The following DPH1 variants were observed in gnomAD, a reference collection of about 807,000 sequenced individuals.
DPH1 encodes diphthamide biosynthesis 1.
A neutral mutation model predicts 55.3 loss-of-function variants in DPH1; 59 were observed. That is an observed-to-expected ratio of 1.07 (90% CI 0.87 to 1.33). The LOEUF (loss-of-function observed/expected upper bound fraction) is 1.33, where lower values mean the gene tolerates loss of function less well. Ranked by LOEUF, DPH1 falls within the 40% of genes most tolerant of loss-of-function variation. The pLI is 0.00. For missense variants in DPH1, 628 were observed against 584.8 expected (o/e 1.07, Z -0.76); for synonymous variants, 238 against 235.5 (o/e 1.01, Z -0.10).
At chr17:2,033,872 G>C (rs1567542837) in intron 3 of DPH1, 30 bp downstream of exon 3, 7 of 1,612,788 alleles carry the variant, frequency 4.3e-6, no homozygotes, top group Non-Finnish European at 5.1e-6. Flanking sequence ...AGAGGAGGGT[G>C]AGCCAGGCTT....
chr17:2,040,734 C>A, intron 9 of DPH1, 129 bp downstream of exon 9: 3 of 1,066,314 alleles, frequency 2.8e-6, no homozygotes, highest in South Asian at 1.4e-5. Flanking sequence ...ACAGAGACCT[C>A]CCTGGGAGGG....
At chr17:2,038,258 G>C (rs149726722) in intron 6 of DPH1, among the ~76,000 whole-genome samples, 3,428 of 151,744 alleles carry the variant, frequency 0.023, 51 homozygotes, top group Middle Eastern at 0.058. Context: ...CTGGGAGGTT[G>C]AGGCTGCAGC....
intron 12 of DPH1, chr17:2,042,350 C>T (rs1270705057): frequency 1.5e-6 from 2 of 1,351,698 alleles, no homozygotes; most frequent in Admixed American, 3.6e-5. Flanking sequence ...CCAGTCCACA[C>T]CCTTCATTTC....
At position 2,037,121 on chromosome 17, in the gene DPH1, T is replaced by C. The variant is rs1597281882; in HGVS notation, c.680+165T>C. 7 of 1,037,150 alleles carry C rather than the reference T, an allele frequency of 6.7e-6. No individual in the cohort carries two copies. The East Asian group carries it at 1.9e-4, about 29-fold the overall frequency. The allele number at this position is 1,037,150 out of a possible 1,614,324, so 64.2% of individuals were successfully genotyped here. A position where few individuals can be genotyped will look rare whatever the true frequency, so the allele number is the denominator to read the frequency against. ...CCAAACAGGGAGCAGACCTCAGGTT[T>C]ACTGTCGCTTTCTCCACTGCCCAGT... is the stretch of plus-strand genomic sequence containing the variant. On this transcript the variant is annotated intron_variant, in intron 6 of 12. Transcript: ENST00000263083.
Position 2,040,633 on chromosome 17 carries a change from T to G in DPH1, c.1007+28T>G, listed in dbSNP as rs370213255. 2.4e-5 allele frequency: 39 copies of G among 1,605,652 alleles called. No individual in the cohort carries two copies. The African/African-American group carries it at 5.1e-4, about 21-fold the overall frequency. On this transcript the variant is annotated intron_variant, in intron 9 of 12. Coordinates refer to ENST00000263083, the MANE Select transcript of DPH1 (RefSeq NM_001383.6). The stretch of plus-strand genomic sequence containing the variant: ...GAGTATCTGCCTGGCTATGACTGGC[T>G]AAAGAAGCTTAGAAGCTGGGTCTTG...
At chr17:2,031,277 G>A (rs2067328177) in intron 1 of DPH1, among the ~76,000 whole-genome samples, 1 of 152,056 alleles carries the variant, frequency 6.6e-6, no homozygotes. Context: ...ATAGCCGTGC[G>A]TGGCCGGGCA....
At position 2,041,835 on chromosome 17, in the gene DPH1, A is replaced by C; in HGVS notation, c.1295A>C (p.Lys432Thr). 6.2e-7 allele frequency: 1 copy of C among 1,603,066 alleles called. No individual in the cohort carries two copies. The highest frequency in any genetic ancestry group is 8.5e-7 in the Non-Finnish European group (1 of 1,176,236). ...ACEDCSCRDE[K>T]VAPLAP ...GAGGACTGCAGCTGCAGGGACGAGA[A>C]GGTGGCGCCGCTGGCTCCTTGACGC... Residue 432 changes from lysine to threonine, a missense_variant, in exon 12 of 13, where the codon AAG (lysine) becomes ACG (threonine). Lys to Thr is a moderately conservative substitution (Grantham distance 78). Transcript: ENST00000263083.
intron 6 of DPH1, among the ~76,000 whole-genome samples, chr17:2,037,574 C>T (rs115840856): frequency 2.0e-5 from 3 of 152,162 alleles, no homozygotes; most frequent in African/African-American, 4.8e-5. Flanking sequence ...CCCTGCTCCC[C>T]GAGCAGCACT....
At chr17:2,033,371 C>G (rs747235057) in intron 1 of DPH1, 134 bp from the exon 2 acceptor site, 1 of 1,383,992 alleles carries the variant, frequency 7.2e-7, no homozygotes, top group African/African-American at 1.4e-5. Context: ...TGGGATTTTT[C>G]TTGAGATGAC....
rs993587773 is a variant in DPH1 at position 2,036,920 on chromosome 17, C to T, written c.644C>T (p.Thr215Ile). The T allele has an allele frequency of 1.2e-6, 2 of 1,613,856 alleles. No individual in the cohort carries two copies. Among genetic ancestry groups the T allele is most frequent in the Non-Finnish European group, 8.5e-7 (1 of 1,179,980 alleles). The change falls in exon 6 of 13, where the codon ACA (threonine) becomes ATA (isoleucine). Residue 215 changes from threonine (T) to isoleucine (I), a missense_variant. Physicochemically the swap from Thr to Ile is moderately conservative, Grantham distance 89. Transcript: ENST00000263083. The surrounding 1 kb of genome is among the most constrained non-coding windows in gnomAD (Gnocchi z 4.8). The part of the protein sequence containing the change: ...PLSPGEILGC[T>I]SPRLSKEVEA... ...TCCCCTGGAGAGATCCTGGGCTGCACATCCCCCCGACTGTCCAAAGAGGTG... is the reference window on the plus strand; with the variant it reads ...TCCCCTGGAGAGATCCTGGGCTGCATATCCCCCCGACTGTCCAAAGAGGTG...
rs1318438719 is a variant in DPH1 at position 2,041,812 on chromosome 17, G to A, written c.1272G>A (p.Glu424=). The part of the protein sequence containing the change: ...SARPPSAVAC[E]DCSCRDEKVA... ...GTCCCCCTTCGGCCGTGGCTTGCGAGGACTGCAGCTGCAGGGACGAGAAGG... is the reference window on the plus strand; with the variant it reads ...GTCCCCCTTCGGCCGTGGCTTGCGAAGACTGCAGCTGCAGGGACGAGAAGG... Residue 424 remains glutamate (E), a synonymous_variant, in exon 12 of 13, where the codon GAG becomes GAA. Coordinates refer to ENST00000263083, the MANE Select transcript of DPH1 (RefSeq NM_001383.6). The A allele has an allele frequency of 5.0e-6, 8 of 1,606,592 alleles. No homozygotes were observed. Among genetic ancestry groups the A allele is most frequent in the Non-Finnish European group, 6.8e-6 (8 of 1,177,412 alleles).
At position 2,033,796 on chromosome 17, in the gene DPH1, G is replaced by C; in HGVS notation, c.232G>C (p.Glu78Gln). 1 of 1,614,202 alleles carries C rather than the reference G, an allele frequency of 6.2e-7. No individual in the cohort carries two copies. Among genetic ancestry groups the C allele is most frequent in the African/African-American group, 1.3e-5 (1 of 75,046 alleles). ...TCTTGCAGTGGCCTTGCAAATGCCG[G>C]AAGGCCTCCTCCTCTTTGCCTGTAC... ...QAKKVALQMP[E>Q]GLLLFACTIV... The change falls in exon 3 of 13, where the codon GAA becomes CAA. Residue 78 changes from glutamate (E) to glutamine (Q), a missense_variant. Coordinates refer to ENST00000263083, the MANE Select transcript of DPH1 (RefSeq NM_001383.6).
Position 2,040,590 on chromosome 17 carries a change from T to G in DPH1, c.992T>G (p.Leu331Arg). 5 of 1,614,202 alleles carry G rather than the reference T, an allele frequency of 3.1e-6. No individual in the cohort carries two copies. The highest frequency in any genetic ancestry group is 4.2e-6 in the Non-Finnish European group (5 of 1,180,014). The change falls in exon 9 of 13, where the codon CTT (leucine) becomes CGT (arginine). Residue 331 changes from leucine to arginine, a missense_variant. Physicochemically the swap from Leu to Arg is moderately radical, Grantham distance 102 (BLOSUM62 -2). Transcript: ENST00000263083. ...SEIFPSKLSL[L>R]PEVDVWVQVA... ...ATCTTCCCCAGCAAGCTTAGCCTAC[T>G]TCCTGAGGTGGATGTGTGAGTATCT...
chr17:2,031,325 C>G (rs2067328724), intron 1 of DPH1, among the ~76,000 whole-genome samples: 1 of 152,100 alleles, frequency 6.6e-6, no homozygotes, highest in Non-Finnish European at 1.5e-5. Context: ...CTCTGGGAGG[C>G]TGAGGCGGGC....
At chr17:2,042,366 A>AC (rs1335385694) in intron 12 of DPH1, 9 of 1,312,300 alleles carry the variant, frequency 6.9e-6, no homozygotes, top group Non-Finnish European at 8.9e-6. Flanking sequence ...ATTTCTCGCG[A>AC]CCCATACCCT....
chr17:2,042,355 C>T, intron 12 of DPH1: 1 of 1,346,322 alleles, frequency 7.4e-7, no homozygotes, highest in Middle Eastern at 2.0e-4. Context: ...CCACACCCTT[C>T]ATTTCTCGCG....
In DPH1 at chr17:2,043,140, C is replaced by G; in HGVS notation, c.*554C>G. 6.3e-7 allele frequency: 1 copy of G among 1,594,412 alleles called. No homozygotes were observed. The highest frequency in any genetic ancestry group is 8.5e-7 in the Non-Finnish European group (1 of 1,170,318). ...AATGTCTCTGCTCCTACATCCAGCT[C>G]CTCTAGGGGCAGCCTCCGTCATCCA... is the stretch of plus-strand genomic sequence containing the variant. On this transcript the variant is annotated 3_prime_UTR_variant, in exon 13 of 13. Coordinates refer to ENST00000263083, the MANE Select transcript of DPH1 (RefSeq NM_001383.6).
At chr17:2,030,954 C>T (rs2067323606) in intron 1 of DPH1, among the ~76,000 whole-genome samples, 1 of 152,256 alleles carries the variant, frequency 6.6e-6, no homozygotes, top group Non-Finnish European at 1.5e-5. Flanking sequence ...GCCGCCCACA[C>T]AGTGGGTGAA....
Position 2,042,948 on chromosome 17 carries a change from G to C in DPH1, c.*362G>C. ...CATTGCCTTCGCTCCATGTTTTTGGGGACACTGACAAAGTCATCCCCTCTC... is the reference window on the plus strand; with the variant it reads ...CATTGCCTTCGCTCCATGTTTTTGGCGACACTGACAAAGTCATCCCCTCTC... On this transcript the variant is annotated 3_prime_UTR_variant, in exon 13 of 13. Transcript: ENST00000263083. The C allele has an allele frequency of 1.2e-6, 2 of 1,614,130 alleles. No homozygotes were observed. The highest frequency in any genetic ancestry group is 1.7e-6 in the Non-Finnish European group (2 of 1,180,026).
Sources: gnomAD v4.1 joint callset for allele counts (sites outside exome capture counted in the v4.1 genomes callset) on GRCh38, gnomAD v4.1.1 for gene constraint, Gnocchi (gnomAD v3.1) non-coding constraint, MANE v1.5 for transcripts, NCBI Gene and HGNC (gene_info 2026-07-23, HGNC 2026-07-21) for gene names.